NCOR2: variants seen among roughly 807,000 people sequenced by gnomAD.
NCOR2 encodes nuclear receptor corepressor 2, also known as CTG repeat protein 26.
A neutral mutation model predicts 262.9 loss-of-function variants in NCOR2; 81 were observed. The ratio of observed to expected loss-of-function variants is 0.31; its 90% CI spans 0.26 to 0.37. The LOEUF (loss-of-function observed/expected upper bound fraction) is 0.37. Among genes scored for constraint, NCOR2 ranks in the 10% least tolerant of loss-of-function variants. The pLI is 1.00. For synonymous variants in NCOR2, 1,659 were observed against 1,559.3 expected (o/e 1.06, Z -1.51); for missense variants, 3,385 against 3,621.4 (o/e 0.93, Z 1.68).
intron 20 of NCOR2, among the ~76,000 whole-genome samples, chr12:124,364,090 C>A (rs1327945317): frequency 2.0e-5 from 3 of 152,210 alleles, no homozygotes; most frequent in Admixed American, 6.5e-5. Flanking sequence ...AGCCTCCCAC[C>A]CCAGCCTAGA....
At position 124,389,580 on chromosome 12, in the gene NCOR2, C is replaced by T. The variant is rs948008252; in HGVS notation, c.1877-3693G>A. Among the ~76,000 whole-genome samples, 65 of 152,208 alleles carry T rather than the reference C, an allele frequency of 4.3e-4. No individual in the cohort carries two copies. Among genetic ancestry groups the T allele is most frequent in the Non-Finnish European group, 7.4e-4 (50 of 68,024 alleles). On this transcript the variant is annotated intron_variant, in intron 16 of 46. Coordinates refer to ENST00000405201, the Ensembl canonical transcript of NCOR2. The surrounding 1 kb of genome is among the most constrained non-coding windows in gnomAD (Gnocchi z 4.4). ...CCCCGCCGCCCGTCCCCCCACCCTC[C>T]GTGTCAGTTCCACCTGAGCTCTGCC...
intron 1 of NCOR2, among the ~76,000 whole-genome samples, chr12:124,559,793 G>C (rs565437910): frequency 6.6e-6 from 1 of 152,328 alleles, no homozygotes; most frequent in African/African-American, 2.4e-5. Context: ...GCAAAATTTG[G>C]CTCTGAGCTT....
At chr12:124,325,407 C>G (rs774329880) in exon 47 of NCOR2, 1 of 394,496 alleles carries the variant, frequency 2.5e-6, no homozygotes, top group Non-Finnish European at 3.9e-6. Context: ...CTGAGTCACT[C>G]GCTGTCGGAG....
intron 2 of NCOR2, among the ~76,000 whole-genome samples, chr12:124,485,804 C>T (rs1008996689): frequency 3.3e-5 from 5 of 152,228 alleles, no homozygotes; most frequent in African/African-American, 4.8e-5. Flanking sequence ...GAAATAGGCA[C>T]AATTCCCCAC....
At chr12:124,564,732 C>T (rs1171111338) in intron 1 of NCOR2, among the ~76,000 whole-genome samples, 2 of 152,148 alleles carry the variant, frequency 1.3e-5, no homozygotes, top group Admixed American at 6.5e-5. Flanking sequence ...CCAACTTCTC[C>T]ACCCACACTC....
chr12:124,339,405 A>T (rs1175552140), intron 37 of NCOR2, among the ~76,000 whole-genome samples: 70 of 107,038 alleles, frequency 6.5e-4, no homozygotes, highest in East Asian at 3.4e-3. Context: ...CCTACCTACC[A>T]CCCACCCACC....
chr12:124,387,910 G>A (rs2040938541), intron 16 of NCOR2, among the ~76,000 whole-genome samples: 1 of 152,132 alleles, frequency 6.6e-6, no homozygotes, highest in Non-Finnish European at 1.5e-5. Flanking sequence ...GGGTGGGCAT[G>A]GAGAGCTCAG....
intron 16 of NCOR2, among the ~76,000 whole-genome samples, chr12:124,387,673 G>A (rs1325879698): frequency 1.3e-5 from 2 of 152,198 alleles, no homozygotes; most frequent in African/African-American, 2.4e-5. Flanking sequence ...GGGGAGGGCC[G>A]GGGCGTGGGA....
chr12:124,502,673 G>T (rs952603370), intron 1 of NCOR2, among the ~76,000 whole-genome samples: 2 of 152,124 alleles, frequency 1.3e-5, no homozygotes, highest in Admixed American at 1.3e-4. Context: ...CAGAAAGCTG[G>T]GGTGTTCACT....
chr12:124,351,852 G>A (rs1198915151), intron 27 of NCOR2, among the ~76,000 whole-genome samples: 1 of 152,176 alleles, frequency 6.6e-6, no homozygotes, highest in African/African-American at 2.4e-5. Flanking sequence ...TAGGGTTCCA[G>A]GAGCAGATTC....
At chr12:124,326,975 G>A (rs1184078919) in intron 45 of NCOR2, among the ~76,000 whole-genome samples, 2 of 152,204 alleles carry the variant, frequency 1.3e-5, no homozygotes, top group Non-Finnish European at 2.9e-5. Flanking sequence ...AGGGGCAGCT[G>A]AGGACACATA....
chr12:124,384,106 C>G (rs1011979704), intron 17 of NCOR2, among the ~76,000 whole-genome samples: 1 of 152,140 alleles, frequency 6.6e-6, no homozygotes, highest in African/African-American at 2.4e-5. Flanking sequence ...CTTTTTGTTC[C>G]TGGGGAGATG....
chr12:124,530,957 T>C (rs1290106704), intron 1 of NCOR2, among the ~76,000 whole-genome samples: 1 of 152,188 alleles, frequency 6.6e-6, no homozygotes, highest in Non-Finnish European at 1.5e-5. Context: ...GACAAGGCTC[T>C]GGGCTCAAAT....
intron 13 of NCOR2, among the ~76,000 whole-genome samples, chr12:124,403,422 C>A (rs1417261336): frequency 3.3e-5 from 5 of 152,136 alleles, no homozygotes; most frequent in African/African-American, 1.2e-4. Context: ...CCGCCCCTCC[C>A]CTCACCGAGA....
Position 124,333,289 on chromosome 12 carries a change from G to T in NCOR2, c.6606-10C>A. The T allele has an allele frequency of 6.3e-7, 1 of 1,594,504 alleles. No homozygotes were observed. On this transcript the variant is annotated splice_polypyrimidine_tract_variant and intron_variant, in intron 41 of 46. Coordinates refer to ENST00000405201, the Ensembl canonical transcript of NCOR2. ...GTTTGGCTCTGGAGACCTGGATGGA[G>T]AAAGGGCCCCAGATGTGGTCAGAGG...
intron 37 of NCOR2, among the ~76,000 whole-genome samples, chr12:124,339,150 T>TAAC (rs2036170728): frequency 9.9e-6 from 1 of 101,378 alleles, no homozygotes; most frequent in African/African-American, 3.9e-5. Flanking sequence ...CATCCATCCA[T>TAAC]CCACCCAGTT....
At chr12:124,455,306 T>G (rs2045782813) in intron 6 of NCOR2, among the ~76,000 whole-genome samples, 2 of 152,058 alleles carry the variant, frequency 1.3e-5, no homozygotes, top group Admixed American at 6.5e-5. Context: ...GCTGAAAACT[T>G]CCCCAGATAT....
chr12:124,405,656 C>A (rs879814276), intron 13 of NCOR2, among the ~76,000 whole-genome samples: 6 of 152,210 alleles, frequency 3.9e-5, no homozygotes, highest in Non-Finnish European at 5.9e-5. Context: ...GCAGTGGCCA[C>A]CCGGGAGGCC....
Position 124,481,514 on chromosome 12 carries a change from G to A in NCOR2, c.411+2082C>T, listed in dbSNP as rs2047485235. On this transcript the variant is annotated intron_variant, in intron 3 of 46. Transcript: ENST00000405201. This position sits in a 1 kb window ranked among gnomAD's most constrained non-coding sequence, Gnocchi z 4.6. ...CCCTGGAGGGCAGCCAGGGCTGGAA[G>A]GAGCGAGGAAAGAGGAATGTGCCTG... Among the ~76,000 whole-genome samples, 1 of 152,188 alleles carries A rather than the reference G, an allele frequency of 6.6e-6. No individual in the cohort carries two copies. The highest frequency in any genetic ancestry group is 2.4e-5 in the African/African-American group (1 of 41,462).
Sources: gnomAD v4.1 joint callset for allele counts (sites outside exome capture counted in the v4.1 genomes callset) on GRCh38, gnomAD v4.1.1 for gene constraint, Gnocchi (gnomAD v3.1) non-coding constraint, MANE v1.5 for transcripts, NCBI Gene and HGNC (gene_info 2026-07-23, HGNC 2026-07-21) for gene names.